The following COQ5 variants were observed in gnomAD, a reference collection of about 807,000 sequenced individuals.
The protein encoded by COQ5 is coenzyme Q5, methyltransferase.
COQ5 carries 27 observed loss-of-function variants against 40.5 expected under a neutral mutation model. The ratio of observed to expected loss-of-function variants is 0.67; its 90% CI spans 0.49 to 0.92. COQ5 has a LOEUF of 0.92. Among genes scored for constraint, COQ5 ranks in the 40% least tolerant of loss-of-function variants. The pLI, the probability that COQ5 is intolerant of heterozygous loss-of-function variation, is 0.00. For missense variants in COQ5, 409 were observed against 406.4 expected (o/e 1.01, Z -0.06); for synonymous variants, 141 against 150.0 (o/e 0.94, Z 0.44).
At chr12:120,523,454 G>A in intron 1 of COQ5, 1 of 365,666 alleles carries the variant, frequency 2.7e-6, no homozygotes, top group Non-Finnish European at 5.3e-6. Context: ...GTCTGCACTG[G>A]TCCTCTCCAC....
In COQ5 at chr12:120,516,656, A is replaced by G. The variant is rs190556242; in HGVS notation, c.485T>C (p.Leu162Ser). Reference protein sequence around the residue: ...AKEYQNEEDSLGGSRVVVCDI... With the variant: ...AKEYQNEEDSSGGSRVVVCDI... ...ACACACCACGACACGAGACCCGCCC[A>G]AGGAATCTTCTTCATTCTGGTACTC... Residue 162 changes from leucine (L) to serine (S), a missense_variant, in exon 3 of 7, where the codon TTG (leucine) becomes TCG (serine). Leu to Ser is a moderately radical substitution (Grantham distance 145). Transcript: ENST00000288532. The G allele has an allele frequency of 3.1e-5, 50 of 1,614,106 alleles. No individual in the cohort carries two copies. In the East Asian group the frequency reaches 1.0e-3, roughly 34 times the overall value.
In COQ5 at chr12:120,503,778, A is replaced by T; in HGVS notation, c.*6T>A. 1 of 1,606,902 alleles carries T rather than the reference A, an allele frequency of 6.2e-7. No homozygotes were observed. The highest frequency in any genetic ancestry group is 8.5e-7 in the Non-Finnish European group (1 of 1,173,408). ...GACTGGTTCATGCTCCATGATAGGA[A>T]AGGAATTAAAGTTTGAAGCCAGAAT... is the stretch of plus-strand genomic sequence containing the variant. On this transcript the variant is annotated 3_prime_UTR_variant, in exon 7 of 7. Coordinates refer to ENST00000288532, the MANE Select transcript of COQ5 (RefSeq NM_032314.4).
At position 120,503,305 on chromosome 12, in the gene COQ5, C is replaced by G; in HGVS notation, c.*479G>C. ...CAAAAGGTAAACTCGTTTACTGGTT[C>G]AGCACACAATTCTCATGATCATTAA... On this transcript the variant is annotated 3_prime_UTR_variant, in exon 7 of 7. Coordinates refer to ENST00000288532, the MANE Select transcript of COQ5 (RefSeq NM_032314.4). 3.2e-6 allele frequency: 1 copy of G among 309,948 alleles called. No homozygotes were observed. Among genetic ancestry groups the G allele is most frequent in the Non-Finnish European group, 6.4e-6 (1 of 155,190 alleles). 19.2% of individuals were successfully genotyped at this position (309,948 alleles called of 1,614,324 possible).
Position 120,503,702 on chromosome 12 carries a change from G to C in COQ5, c.*82C>G, listed in dbSNP as rs1390669256. 1.0e-6 allele frequency: 1 copy of C among 969,188 alleles called. No individual in the cohort carries two copies. The highest frequency in any genetic ancestry group is 2.1e-4 in the Middle Eastern group (1 of 4,858). The allele number at this position is 969,188 out of a possible 1,614,324, so 60.0% of individuals were successfully genotyped here. A position where few individuals can be genotyped will look rare whatever the true frequency, so the allele number is the denominator to read the frequency against. On this transcript the variant is annotated 3_prime_UTR_variant, in exon 7 of 7. Coordinates refer to ENST00000288532, the MANE Select transcript of COQ5 (RefSeq NM_032314.4). Reference sequence around the variant, plus strand: ...TATCCTTAAGAGGAGATGCTCTGCTGCTGTCTCATTTGCCAGATTATCCTT... The same window carrying C: ...TATCCTTAAGAGGAGATGCTCTGCTCCTGTCTCATTTGCCAGATTATCCTT...
rs909354082 is a variant in COQ5 at position 120,522,622 on chromosome 12, C to T, written c.203-259G>A. The T allele has an allele frequency of 1.2e-5, 8 of 652,036 alleles. No individual in the cohort carries two copies. The African/African-American group carries it at 1.3e-4, about 10-fold the overall frequency. 40.4% of individuals were successfully genotyped at this position (652,036 alleles called of 1,614,324 possible). Reference sequence around the variant, plus strand: ...TGCAGATGGCAGTCCAGGGGGGTCACACCAGTCCTTCTGTCCTCACATTGG... The same window carrying T: ...TGCAGATGGCAGTCCAGGGGGGTCATACCAGTCCTTCTGTCCTCACATTGG... On this transcript the variant is annotated intron_variant, in intron 1 of 6. Coordinates refer to ENST00000288532, the MANE Select transcript of COQ5 (RefSeq NM_032314.4).
At chr12:120,523,486 C>A in intron 1 of COQ5, 1 of 293,808 alleles carries the variant, frequency 3.4e-6, no homozygotes, top group South Asian at 3.6e-5. Flanking sequence ...CGCTGCTGCT[C>A]CTAAGTCGTG....
chr12:120,507,212 A>G (rs773921864), intron 4 of COQ5, among the ~76,000 whole-genome samples: 17 of 152,240 alleles, frequency 1.1e-4, no homozygotes, highest in Non-Finnish European at 1.8e-4. Context: ...TGAATAGCAC[A>G]AGATTAGAAG....
chr12:120,518,426 C>CAAAA (rs1216184668), intron 2 of COQ5, among the ~76,000 whole-genome samples: 1 of 71,476 alleles, frequency 1.4e-5, no homozygotes, highest in African/African-American at 6.3e-5. Flanking sequence ...AGACCGTTTC[C>CAAAA]AAAAAAAAAA....
At chr12:120,518,263 G>A (rs570518574) in intron 2 of COQ5, among the ~76,000 whole-genome samples, 4 of 151,760 alleles carry the variant, frequency 2.6e-5, no homozygotes, top group African/African-American at 7.2e-5. Flanking sequence ...CAGTCTCTAC[G>A]AAAAAAATTA....
Position 120,504,044 on chromosome 12 carries a change from G to A in COQ5, c.808C>T (p.Leu270=). ...CAGTCTCCAGCGATGACCTCTCCCA[G>A]GACAGGGATGACCTGGAAGCTATAT... is the stretch of plus-strand genomic sequence containing the variant. ...DLYSFQVIPV[L]GEVIAGDWKS... Residue 270 remains leucine, a synonymous_variant, in exon 6 of 7, where the codon CTG becomes TTG. Coordinates refer to ENST00000288532, the MANE Select transcript of COQ5 (RefSeq NM_032314.4). 1.2e-6 allele frequency: 2 copies of A among 1,613,080 alleles called. No individual in the cohort carries two copies. The highest frequency in any genetic ancestry group is 2.2e-5 in the East Asian group (1 of 44,886).
intron 4 of COQ5, among the ~76,000 whole-genome samples, chr12:120,505,405 T>G (rs1868836330): frequency 6.6e-6 from 1 of 152,184 alleles, no homozygotes; most frequent in African/African-American, 2.4e-5. Context: ...TTTTATTTTT[T>G]GCAATGGAGC....
intron 2 of COQ5, among the ~76,000 whole-genome samples, chr12:120,520,779 C>G (rs971200010): frequency 6.6e-6 from 1 of 151,970 alleles, no homozygotes; most frequent in African/African-American, 2.4e-5. Context: ...TTAACATGTA[C>G]GATGACATCA....
At chr12:120,510,998 C>T (rs1671769) in intron 3 of COQ5, among the ~76,000 whole-genome samples, 40,876 of 151,864 alleles carry the variant, frequency 0.27, 6,614 homozygotes, top group Admixed American at 0.39. Context: ...TGGCCAGGTG[C>T]GGTGGCTCAC....
rs1383960967 is a variant in COQ5, at chr12:120,529,041, G to A, written c.101C>T (p.Pro34Leu). Residue 34 changes from proline to leucine, a missense_variant, in exon 1 of 7, where the codon CCC becomes CTC. Transcript: ENST00000288532. ...GAGCCGAGCACTTAGTAGGTCCCCG[G>A]GCCAAGAGCTACGAAGCCCGAGGAG... ...CQLLGLRSSW[P>L]GDLLSARLLS... 3 of 1,614,092 alleles carry A rather than the reference G, an allele frequency of 1.9e-6. No homozygotes were observed. The highest frequency in any genetic ancestry group is 2.5e-6 in the Non-Finnish European group (3 of 1,180,030).
chr12:120,517,251 C>T (rs1425994945), intron 2 of COQ5, among the ~76,000 whole-genome samples: 9 of 151,860 alleles, frequency 5.9e-5, no homozygotes, highest in Admixed American at 5.9e-4. Flanking sequence ...ACTTGGGAGC[C>T]TGCGGCAGGA....
At position 120,509,823 on chromosome 12, in the gene COQ5, T is replaced by C. The variant is rs1869046458; in HGVS notation, c.681+194A>G. The stretch of plus-strand genomic sequence containing the variant: ...GGTGTGGTGGTGGGTTCCTGTAAGG[T>C]TCCTGTAATCCCAGCTACTTGGGAG... On this transcript the variant is annotated intron_variant, in intron 4 of 6. Coordinates refer to ENST00000288532, the MANE Select transcript of COQ5 (RefSeq NM_032314.4). The C allele has an allele frequency of 9.9e-6, 6 of 603,868 alleles. No homozygotes were observed. The South Asian group carries it at 1.1e-4, about 11-fold the overall frequency. The allele number at this position is 603,868 out of a possible 1,614,324, so 37.4% of individuals were successfully genotyped here.
At chr12:120,526,540 A>G in intron 1 of COQ5, 1 of 452,206 alleles carries the variant, frequency 2.2e-6, no homozygotes, top group Non-Finnish European at 4.4e-6. Context: ...TTCACATTAA[A>G]GGAGTTCTTG....
chr12:120,504,038 C>G lies in COQ5; in HGVS notation c.814G>C (p.Glu272Gln). 1 of 1,613,626 alleles carries G rather than the reference C, an allele frequency of 6.2e-7. No individual in the cohort carries two copies. Among genetic ancestry groups the G allele is most frequent in the Non-Finnish European group, 8.5e-7 (1 of 1,179,526 alleles). Reference sequence around the variant, plus strand: ...GACTTCCAGTCTCCAGCGATGACCTCTCCCAGGACAGGGATGACCTGGAAG... The same window carrying G: ...GACTTCCAGTCTCCAGCGATGACCTGTCCCAGGACAGGGATGACCTGGAAG... ...YSFQVIPVLG[E>Q]VIAGDWKSYQ... Residue 272 changes from glutamate (E) to glutamine (Q), a missense_variant, in exon 6 of 7, where the codon GAG (glutamate) becomes CAG (glutamine). Glu to Gln is a conservative substitution (Grantham distance 29). Transcript: ENST00000288532.
At chr12:120,515,091 C>T (rs951533492) in intron 3 of COQ5, among the ~76,000 whole-genome samples, 1 of 151,672 alleles carries the variant, frequency 6.6e-6, no homozygotes. Flanking sequence ...CCACGCCTGG[C>T]CAAATTTGCT....
Sources: allele counts gnomAD v4.1 joint callset (sites outside exome capture counted in the v4.1 genomes callset), GRCh38; gene constraint gnomAD v4.1.1; transcripts MANE v1.5; gene names NCBI Gene and HGNC (gene_info 2026-07-23, HGNC 2026-07-21).